SLCO3A1: variants seen among roughly 807,000 people sequenced by gnomAD.
SLCO3A1 encodes solute carrier organic anion transporter family member 3A1.
A neutral mutation model predicts 63.1 loss-of-function variants in SLCO3A1; 27 were observed. The observed-to-expected ratio is 0.43, with a 90% CI of 0.32 to 0.59. The LOEUF (loss-of-function observed/expected upper bound fraction) is 0.59, where lower values mean the gene tolerates loss of function less well. Ranked by LOEUF, SLCO3A1 falls within the 20% of genes least tolerant of loss-of-function variation. The pLI, the probability that SLCO3A1 is intolerant of heterozygous loss-of-function variation, is 0.09. For missense variants in SLCO3A1, 773 were observed against 945.8 expected (o/e 0.82, Z 2.40); for synonymous variants, 473 against 409.9 (o/e 1.15, Z -1.86).
At chr15:92,002,212 G>A (rs2046264096) in intron 2 of SLCO3A1, among the ~76,000 whole-genome samples, 1 of 152,188 alleles carries the variant, frequency 6.6e-6, no homozygotes, top group South Asian at 2.1e-4. Flanking sequence ...CGCAAGGAAA[G>A]AAGGCACCTA....
chr15:92,024,207 A>G (rs910168052), intron 2 of SLCO3A1, among the ~76,000 whole-genome samples: 1 of 152,240 alleles, frequency 6.6e-6, no homozygotes, highest in African/African-American at 2.4e-5. Flanking sequence ...CCCCACTTCC[A>G]TACATATCAT....
intron 2 of SLCO3A1, among the ~76,000 whole-genome samples, chr15:91,931,821 ACT>A (rs1555450786): frequency 5.9e-5 from 9 of 151,262 alleles, no homozygotes; most frequent in Non-Finnish European, 1.0e-4. Flanking sequence ...ACACACACAC[ACT>A]CACACAGGAG....
intron 2 of SLCO3A1, among the ~76,000 whole-genome samples, chr15:91,973,935 T>C (rs945175653): frequency 6.6e-6 from 1 of 152,216 alleles, no homozygotes; most frequent in Non-Finnish European, 1.5e-5. Flanking sequence ...GTGCCATCAT[T>C]CCTGGCTCAA....
intron 4 of SLCO3A1, among the ~76,000 whole-genome samples, chr15:92,113,582 A>T (rs1450263945): frequency 6.6e-6 from 1 of 152,224 alleles, no homozygotes; most frequent in Non-Finnish European, 1.5e-5. Context: ...TGCAAAGAGA[A>T]GGTGCTAGGA....
In SLCO3A1 at chr15:92,138,110, C is replaced by G. The variant is rs1211748360; in HGVS notation, c.1513-8874C>G. Among the ~76,000 whole-genome samples, 2 of 113,114 alleles carry G rather than the reference C, an allele frequency of 1.8e-5. 1 individual carries two copies. Among genetic ancestry groups the G allele is most frequent in the African/African-American group, 9.2e-5 (2 of 21,676 alleles). The allele number at this position is 113,114 out of a possible 152,430, so 74.2% of individuals were successfully genotyped here. A position where few individuals can be genotyped will look rare whatever the true frequency, so the allele number is the denominator to read the frequency against. ...TTCTAGGGTTTTTATGGTGTTAGGT[C>G]TAATGTTTAAGTCTTTAATCCATCT... On this transcript the variant is annotated intron_variant, in intron 7 of 9. Transcript: ENST00000318445.
intron 2 of SLCO3A1, among the ~76,000 whole-genome samples, chr15:92,074,515 C>G (rs1024862868): frequency 6.6e-6 from 1 of 152,200 alleles, no homozygotes; most frequent in Non-Finnish European, 1.5e-5. Context: ...GTGATCTGCC[C>G]AGGTGAACGT....
chr15:91,924,333 A>G lies in SLCO3A1; in HGVS notation c.646+7875A>G, dbSNP rs370543537. On this transcript the variant is annotated intron_variant, in intron 2 of 9. Coordinates refer to ENST00000318445, the MANE Select transcript of SLCO3A1 (RefSeq NM_013272.4). ...AGAGGCTGGAAATCCGTATTTTTCA[A>G]GAGGATTGAGTTGCCAACTCATTGA... Among the ~76,000 whole-genome samples the G allele has an allele frequency of 4.1e-4, 63 of 152,264 alleles. No homozygotes were observed. The East Asian group carries it at 7.3e-3, about 18-fold the overall frequency.
intron 2 of SLCO3A1, among the ~76,000 whole-genome samples, chr15:92,053,077 A>C (rs148817592): frequency 4.3e-4 from 65 of 152,212 alleles, no homozygotes; most frequent in African/African-American, 1.4e-3. Flanking sequence ...TTATGCCCCT[A>C]AGTTTTTCTG....
intron 2 of SLCO3A1, among the ~76,000 whole-genome samples, chr15:92,007,380 G>T (rs891548274): frequency 6.6e-6 from 1 of 152,202 alleles, no homozygotes; most frequent in African/African-American, 2.4e-5. Flanking sequence ...CTGGAGTATT[G>T]AGGCTGGGAA....
intron 1 of SLCO3A1, 65 bp from the exon 2 acceptor site, chr15:91,915,928 G>A: frequency 1.4e-6 from 2 of 1,380,098 alleles, no homozygotes; most frequent in Non-Finnish European, 2.0e-6. Context: ...ACTGTCAGGC[G>A]GGAAGGAGAG....
chr15:92,049,275 A>C (rs1200545671), intron 2 of SLCO3A1, among the ~76,000 whole-genome samples: 2 of 152,154 alleles, frequency 1.3e-5, no homozygotes, highest in Admixed American at 6.5e-5. Context: ...AACCTTATTA[A>C]AGTCTCTTAG....
At chr15:91,936,440 G>C (rs542032292) in intron 2 of SLCO3A1, among the ~76,000 whole-genome samples, 1 of 152,288 alleles carries the variant, frequency 6.6e-6, no homozygotes, top group African/African-American at 2.4e-5. Context: ...TGTGACTGTT[G>C]GCTAGCATTT....
intron 2 of SLCO3A1, among the ~76,000 whole-genome samples, chr15:91,937,502 G>A (rs1446821128): frequency 1.3e-5 from 2 of 152,140 alleles, no homozygotes; most frequent in Non-Finnish European, 2.9e-5. Context: ...GGCAGATCAT[G>A]AGGTCAGGAG....
chr15:91,905,670 GA>G (rs1898282549), intron 1 of SLCO3A1, among the ~76,000 whole-genome samples: 1 of 151,752 alleles, frequency 6.6e-6, no homozygotes, highest in Non-Finnish European at 1.5e-5. Flanking sequence ...GGAGTTTCAG[GA>G]AATGCTACAT....
chr15:91,896,150 T>C (rs1172995910), intron 1 of SLCO3A1, among the ~76,000 whole-genome samples: 2 of 152,200 alleles, frequency 1.3e-5, no homozygotes, highest in South Asian at 4.1e-4. Context: ...TAATGAAATA[T>C]CTGCAGTTCA....
At chr15:91,947,317 T>C (rs144936957) in intron 2 of SLCO3A1, among the ~76,000 whole-genome samples, 3 of 152,332 alleles carry the variant, frequency 2.0e-5, no homozygotes, top group Non-Finnish European at 4.4e-5. Flanking sequence ...GAAATTCAGC[T>C]TGTGAATTCC....
intron 2 of SLCO3A1, among the ~76,000 whole-genome samples, chr15:91,990,623 C>T (rs1328097494): frequency 2.6e-5 from 4 of 151,004 alleles, no homozygotes; most frequent in African/African-American, 7.3e-5. Flanking sequence ...GCCCCTGGGA[C>T]GTTTCCACTT....
intron 2 of SLCO3A1, among the ~76,000 whole-genome samples, chr15:92,042,607 G>A (rs1395001334): frequency 6.6e-6 from 1 of 152,166 alleles, no homozygotes; most frequent in Admixed American, 6.5e-5. Flanking sequence ...AAAGCACAGA[G>A]AAATGGGCCA....
Position 91,885,158 on chromosome 15 carries a change from G to A in SLCO3A1, c.181-30835G>A, listed in dbSNP as rs1445415912. Among the ~76,000 whole-genome samples the A allele has an allele frequency of 1.3e-5, 2 of 152,202 alleles. No individual in the cohort carries two copies. Among genetic ancestry groups the A allele is most frequent in the Non-Finnish European group, 2.9e-5 (2 of 68,034 alleles). ...CCTGCTCTGCGTCACCTGGAAGGAGGGTGCAGAAGGAGCAGGGGGCTTGTC... is the reference window on the plus strand; with the variant it reads ...CCTGCTCTGCGTCACCTGGAAGGAGAGTGCAGAAGGAGCAGGGGGCTTGTC... On this transcript the variant is annotated intron_variant, in intron 1 of 9. Transcript: ENST00000318445. This position sits in a 1 kb window ranked among gnomAD's most constrained non-coding sequence, Gnocchi z 4.7.
Sources: gnomAD v4.1 joint callset for allele counts (sites outside exome capture counted in the v4.1 genomes callset) on GRCh38, gnomAD v4.1.1 for gene constraint, Gnocchi (gnomAD v3.1) non-coding constraint, MANE v1.5 for transcripts, NCBI Gene and HGNC (gene_info 2026-07-23, HGNC 2026-07-21) for gene names.